Variants in NIBAN1 observed in about 807,000 individuals in gnomAD.
NIBAN1 encodes niban apoptosis regulator 1.
Under a neutral mutation model 75.1 loss-of-function variants are expected in NIBAN1, and 81 were observed. The observed-to-expected ratio is 1.08, with a 90% CI of 0.90 to 1.30. The LOEUF (loss-of-function observed/expected upper bound fraction) is 1.30. NIBAN1 is among the 50% of genes most tolerant of loss of function. The probability of loss-of-function intolerance (pLI) is 0.00; values close to 1 mark genes in which losing one functional copy is unlikely to be tolerated. For missense variants in NIBAN1, 1,133 were observed against 1,128.1 expected (o/e 1.00, Z -0.06); for synonymous variants, 436 against 424.8 (o/e 1.03, Z -0.32).
At chr1:184,863,573 G>T (rs1256488505) in intron 5 of NIBAN1, among the ~76,000 whole-genome samples, 2 of 152,184 alleles carry the variant, frequency 1.3e-5, no homozygotes, top group Non-Finnish European at 2.9e-5. Flanking sequence ...ACATTTACAA[G>T]AGACACTTTT....
intron 11 of NIBAN1, 140 bp downstream of exon 11, chr1:184,805,806 C>G: frequency 1.5e-6 from 1 of 659,734 alleles, no homozygotes; most frequent in Non-Finnish European, 2.6e-6. Flanking sequence ...CTGCAGCGGA[C>G]TGACAGTCAC....
chr1:184,934,953 C>T (rs972576489), intron 1 of NIBAN1, among the ~76,000 whole-genome samples: 3 of 152,062 alleles, frequency 2.0e-5, no homozygotes, highest in African/African-American at 4.8e-5. Context: ...ACCTGCAGTG[C>T]CAGCTACCCA....
intron 1 of NIBAN1, among the ~76,000 whole-genome samples, chr1:184,923,356 T>C (rs1324366219): frequency 6.6e-6 from 1 of 152,208 alleles, no homozygotes; most frequent in Non-Finnish European, 1.5e-5. Context: ...GTTACCTTTG[T>C]GGGATATAAG....
chr1:184,863,495 T>C (rs1312753547), intron 5 of NIBAN1, among the ~76,000 whole-genome samples: 1 of 152,240 alleles, frequency 6.6e-6, no homozygotes, highest in Non-Finnish European at 1.5e-5. Context: ...ATTCAATTTC[T>C]ATTTTCAATT....
At chr1:184,965,222 C>T (rs572641252) in intron 1 of NIBAN1, among the ~76,000 whole-genome samples, 1 of 152,038 alleles carries the variant, frequency 6.6e-6, no homozygotes, top group African/African-American at 2.4e-5. Context: ...TGGCGTGAAC[C>T]CGGGAATTGG....
At chr1:184,902,188 G>T (rs181344721) in intron 1 of NIBAN1, among the ~76,000 whole-genome samples, 4 of 152,010 alleles carry the variant, frequency 2.6e-5, no homozygotes, top group Admixed American at 6.6e-5. Context: ...AGCTATGATT[G>T]CACCACTGTA....
At chr1:184,915,437 C>T (rs535957228) in intron 1 of NIBAN1, among the ~76,000 whole-genome samples, 1 of 152,198 alleles carries the variant, frequency 6.6e-6, no homozygotes, top group Non-Finnish European at 1.5e-5. Context: ...AACATACGTG[C>T]TCACTGGTAT....
chr1:184,873,541 C>T (rs1262018279), intron 5 of NIBAN1, among the ~76,000 whole-genome samples: 1 of 152,156 alleles, frequency 6.6e-6, no homozygotes, highest in Non-Finnish European at 1.5e-5. Context: ...GAGTCAATGC[C>T]AAGATGAATC....
chr1:184,801,524 C>G lies in NIBAN1; in HGVS notation c.1554+2061G>C, dbSNP rs1391544063. ...CACCCTTTCATCCTTCCCACGTGGTCCCCCATTCCTATTCCCCTGATTGGC... is the reference window on the plus strand; with the variant it reads ...CACCCTTTCATCCTTCCCACGTGGTGCCCCATTCCTATTCCCCTGATTGGC... On this transcript the variant is annotated intron_variant, in intron 12 of 13. Transcript: ENST00000367511. Among the ~76,000 whole-genome samples, 5 of 152,294 alleles carry G rather than the reference C, an allele frequency of 3.3e-5. No homozygotes were observed. The East Asian group carries it at 9.7e-4, about 29-fold the overall frequency.
intron 1 of NIBAN1, among the ~76,000 whole-genome samples, chr1:184,960,089 G>A (rs1217293513): frequency 6.6e-6 from 1 of 152,042 alleles, no homozygotes; most frequent in Non-Finnish European, 1.5e-5. Flanking sequence ...GCAGACAGAG[G>A]CTTAAAGTTA....
At chr1:184,818,484 T>G (rs1189014257) in intron 9 of NIBAN1, among the ~76,000 whole-genome samples, 154 bp downstream of exon 9, 2 of 151,832 alleles carry the variant, frequency 1.3e-5, no homozygotes, top group East Asian at 3.9e-4. Flanking sequence ...TGGGTCTGAA[T>G]GAACGGAAGA....
At chr1:184,805,416 A>C (rs1226341297) in intron 11 of NIBAN1, among the ~76,000 whole-genome samples, 2 of 152,270 alleles carry the variant, frequency 1.3e-5, no homozygotes, top group East Asian at 3.8e-4. Flanking sequence ...AAGAGGCTTT[A>C]AAATATAACA....
chr1:184,883,551 A>C (rs1656431005), intron 5 of NIBAN1, among the ~76,000 whole-genome samples: 1 of 152,248 alleles, frequency 6.6e-6, no homozygotes, highest in South Asian at 2.1e-4. Context: ...CAGTATATCA[A>C]AAACATCACA....
At chr1:184,804,859 G>A (rs992859088) in intron 11 of NIBAN1, among the ~76,000 whole-genome samples, 2 of 151,074 alleles carry the variant, frequency 1.3e-5, no homozygotes, top group Non-Finnish European at 1.5e-5. Context: ...CACAATCTCC[G>A]CTCACTGCAA....
chr1:184,913,570 T>C (rs931362378), intron 1 of NIBAN1, among the ~76,000 whole-genome samples: 1 of 152,220 alleles, frequency 6.6e-6, no homozygotes, highest in African/African-American at 2.4e-5. Flanking sequence ...GGCAGTTACA[T>C]ATAATTGATA....
intron 5 of NIBAN1, among the ~76,000 whole-genome samples, chr1:184,861,924 T>C (rs769408022): frequency 3.3e-5 from 5 of 152,160 alleles, no homozygotes; most frequent in Non-Finnish European, 7.3e-5. Context: ...CCCTGCACAG[T>C]GACTAGTACT....
At position 184,830,157 on chromosome 1, in the gene NIBAN1, T is replaced by C. The variant is rs1261474230; in HGVS notation, c.717+1690A>G. ...TCCCTCAGTTTTCTCATTTACAAAATTGAAATAACAATAACTGCCTTACCC... is the reference window on the plus strand; with the variant it reads ...TCCCTCAGTTTTCTCATTTACAAAACTGAAATAACAATAACTGCCTTACCC... On this transcript the variant is annotated intron_variant, in intron 6 of 13. Transcript: ENST00000367511. Among the ~76,000 whole-genome samples the C allele has an allele frequency of 2.0e-5, 3 of 152,188 alleles. No homozygotes were observed. In the East Asian group the frequency reaches 5.8e-4, roughly 29 times the overall value.
chr1:184,874,866 G>A (rs1448528466), intron 5 of NIBAN1, among the ~76,000 whole-genome samples: 2 of 142,020 alleles, frequency 1.4e-5, no homozygotes, highest in Admixed American at 1.3e-4. Flanking sequence ...GACATATAAG[G>A]CTATAGAATA....
intron 1 of NIBAN1, among the ~76,000 whole-genome samples, chr1:184,934,982 A>T (rs1372893237): frequency 1.3e-5 from 2 of 152,222 alleles, no homozygotes; most frequent in African/African-American, 4.8e-5. Context: ...AGACAGGAGG[A>T]TCACTTAAGC....
Sources: gnomAD v4.1 joint callset for allele counts (sites outside exome capture counted in the v4.1 genomes callset) on GRCh38, gnomAD v4.1.1 for gene constraint, MANE v1.5 for transcripts, NCBI Gene and HGNC (gene_info 2026-07-23, HGNC 2026-07-21) for gene names.